Variants in LARP4 observed in about 807,000 individuals in gnomAD.
LARP4 encodes the protein La ribonucleoprotein 4.
Under a neutral mutation model 92.9 loss-of-function variants are expected in LARP4, and 29 were observed. That is an observed-to-expected ratio of 0.31 (90% CI 0.23 to 0.43). The LOEUF (loss-of-function observed/expected upper bound fraction) is 0.43, where lower values mean the gene tolerates loss of function less well. Ranked by LOEUF, LARP4 falls within the 20% of genes least tolerant of loss-of-function variation. The pLI is 1.00. For missense variants in LARP4, 732 were observed against 860.0 expected (o/e 0.85, Z 1.86); for synonymous variants, 279 against 284.1 (o/e 0.98, Z 0.18).
At chr12:50,421,525 C>T (rs1422335625) in intron 1 of LARP4, among the ~76,000 whole-genome samples, 1 of 151,838 alleles carries the variant, frequency 6.6e-6, no homozygotes, top group Non-Finnish European at 1.5e-5. Flanking sequence ...GCCTGTAATC[C>T]CAGTTTCTCT....
At chr12:50,438,905 A>T (rs1565618942) in intron 6 of LARP4, among the ~76,000 whole-genome samples, 1 of 152,236 alleles carries the variant, frequency 6.6e-6, no homozygotes, top group Non-Finnish European at 1.5e-5. Flanking sequence ...AGTAACTGAC[A>T]TTGTAATTGA....
chr12:50,423,356 T>C (rs1017948281), intron 1 of LARP4, among the ~76,000 whole-genome samples: 7 of 152,222 alleles, frequency 4.6e-5, no homozygotes, highest in African/African-American at 1.7e-4. Flanking sequence ...GTTATTTTGA[T>C]AGAATGCGTC....
At chr12:50,426,602 C>T (rs959107418) in intron 1 of LARP4, among the ~76,000 whole-genome samples, 2 of 152,008 alleles carry the variant, frequency 1.3e-5, no homozygotes, top group Admixed American at 1.3e-4. Flanking sequence ...AAATACTCCT[C>T]ACTACTTCCA....
rs149723191 is a variant in LARP4 at position 50,438,838 on chromosome 12, G to A, written c.639+1000G>A. ...TGTTTCATAATCACTGTGCCACAGA[G>A]CTTCATGTTAAGTTGCCATGATAAG... is the stretch of plus-strand genomic sequence containing the variant. On this transcript the variant is annotated intron_variant, in intron 6 of 15. Coordinates refer to ENST00000398473, the MANE Select transcript of LARP4 (RefSeq NM_052879.5). Among the ~76,000 whole-genome samples, 1,425 of 152,228 alleles carry A rather than the reference G, an allele frequency of 9.4e-3. 85 individuals carry two copies. Among genetic ancestry groups the A allele is most frequent in the Admixed American group, 0.088 (1,341 of 15,282 alleles).
chr12:50,402,707 CT>C, intron 1 of LARP4: 1 of 448,168 alleles, frequency 2.2e-6, no homozygotes, highest in Non-Finnish European at 4.5e-6. Context: ...GTTAAAGTAA[CT>C]TTACTTAGTA....
At chr12:50,410,457 G>A (rs1193678551) in intron 1 of LARP4, among the ~76,000 whole-genome samples, 3 of 150,134 alleles carry the variant, frequency 2.0e-5, no homozygotes, top group African/African-American at 4.9e-5. Flanking sequence ...CCAGGCTGGA[G>A]TGCAGTAGTG....
chr12:50,450,844 T>C (rs1002264097), intron 8 of LARP4, among the ~76,000 whole-genome samples: 4 of 152,194 alleles, frequency 2.6e-5, no homozygotes, highest in Non-Finnish European at 5.9e-5. Context: ...TAGTGTATTC[T>C]GGAAGTCACT....
At chr12:50,429,645 TTTG>T (rs1592996896) in intron 3 of LARP4, among the ~76,000 whole-genome samples, 1 of 152,160 alleles carries the variant, frequency 6.6e-6, no homozygotes, top group African/African-American at 2.4e-5. Context: ...TTGTTGTTTT[TTTG>T]TTGTTGTTGA....
chr12:50,446,926 G>A (rs2137957355), intron 8 of LARP4, among the ~76,000 whole-genome samples: 2 of 152,242 alleles, frequency 1.3e-5, no homozygotes, highest in South Asian at 4.2e-4. Context: ...TGCAATTTTA[G>A]GAGTGGAGGA....
intron 12 of LARP4, among the ~76,000 whole-genome samples, chr12:50,465,065 A>T (rs1392817415): frequency 1.3e-5 from 2 of 151,368 alleles, no homozygotes; most frequent in Non-Finnish European, 2.9e-5. Flanking sequence ...TTGGAATAAG[A>T]GATTAGGCCC....
intron 12 of LARP4, among the ~76,000 whole-genome samples, chr12:50,463,274 T>C (rs533519970): frequency 6.6e-6 from 1 of 151,142 alleles, no homozygotes; most frequent in South Asian, 2.1e-4. Flanking sequence ...GGTCAGGACA[T>C]CTTCAAAGCT....
At chr12:50,444,801 A>C (rs1951752957) in intron 8 of LARP4, among the ~76,000 whole-genome samples, 2 of 152,190 alleles carry the variant, frequency 1.3e-5, no homozygotes, top group African/African-American at 4.8e-5. Flanking sequence ...TCTATGCCTG[A>C]AAATAACTGG....
intron 1 of LARP4, among the ~76,000 whole-genome samples, chr12:50,402,193 G>T (rs966704274): frequency 6.8e-6 from 1 of 148,056 alleles, no homozygotes; most frequent in Non-Finnish European, 1.5e-5. Context: ...ATGATTTTAC[G>T]GTTTTTTTTT....
At chr12:50,452,916 T>C (rs1338166159) in intron 8 of LARP4, among the ~76,000 whole-genome samples, 2 of 151,922 alleles carry the variant, frequency 1.3e-5, no homozygotes, top group African/African-American at 4.8e-5. Flanking sequence ...CTCTGCTTGT[T>C]GTTGTTGTTT....
Position 50,429,041 on chromosome 12 carries a change from G to A in LARP4, c.273G>A (p.Gly91=). 1.9e-6 allele frequency: 3 copies of A among 1,612,154 alleles called. No individual in the cohort carries two copies. Among genetic ancestry groups the A allele is most frequent in the Non-Finnish European group, 2.5e-6 (3 of 1,179,178 alleles). Reference sequence around the variant, plus strand: ...CAGGCATTGAAGAATCAACTGATGGGATGATTTTAGGACCAGAAGATCTGA... The same window carrying A: ...CAGGCATTGAAGAATCAACTGATGGAATGATTTTAGGACCAGAAGATCTGA... ...NTTGIEESTD[G]MILGPEDLSY... Residue 91 remains glycine (G), a synonymous_variant, in exon 3 of 16, where the codon GGG becomes GGA. Coordinates refer to ENST00000398473, the MANE Select transcript of LARP4 (RefSeq NM_052879.5).
chr12:50,408,383 G>C (rs1055223385), intron 1 of LARP4, among the ~76,000 whole-genome samples: 7 of 151,756 alleles, frequency 4.6e-5, no homozygotes, highest in Admixed American at 6.6e-5. Flanking sequence ...TTTTAGTAGA[G>C]ACAGGGATTC....
chr12:50,450,864 T>C (rs1953067763), intron 8 of LARP4, among the ~76,000 whole-genome samples: 1 of 152,044 alleles, frequency 6.6e-6, no homozygotes, highest in South Asian at 2.1e-4. Context: ...TTCATAATGG[T>C]GTTTAGAGCA....
At position 50,427,872 on chromosome 12, in the gene LARP4, G is replaced by T; in HGVS notation, c.129G>T (p.Trp43Cys). 6.2e-7 allele frequency: 1 copy of T among 1,600,082 alleles called. No individual in the cohort carries two copies. The highest frequency in any genetic ancestry group is 8.5e-7 in the Non-Finnish European group (1 of 1,170,600). The change falls in exon 2 of 16, where the codon TGG (tryptophan) becomes TGT (cysteine). Residue 43 changes from tryptophan to cysteine, a missense_variant. By Grantham distance (215) the Trp-to-Cys change is radical (BLOSUM62 -2). Transcript: ENST00000398473. ...TPVTHGTESS[W>C]HEIAATSGAH... is the part of the protein sequence containing the mutation. ...TAACTCATGGAACTGAAAGCTCTTG[G>T]CATGAAATAGCAGCTACATCAGGTG... is the stretch of plus-strand genomic sequence containing the variant.
At chr12:50,468,132 A>C (rs1012465586) in intron 13 of LARP4, among the ~76,000 whole-genome samples, 1 of 151,960 alleles carries the variant, frequency 6.6e-6, no homozygotes, top group Non-Finnish European at 1.5e-5. Context: ...GGCATGTGCC[A>C]CCACACCCAG....
Sources: allele counts gnomAD v4.1 joint callset (sites outside exome capture counted in the v4.1 genomes callset), GRCh38; gene constraint gnomAD v4.1.1; transcripts MANE v1.5; gene names NCBI Gene and HGNC (gene_info 2026-07-23, HGNC 2026-07-21).